PKP4: variants seen among roughly 807,000 people sequenced by gnomAD.
PKP4 encodes plakophilin 4.
Under a neutral mutation model 145.1 loss-of-function variants are expected in PKP4, and 90 were observed. The ratio of observed to expected loss-of-function variants is 0.62; its 90% CI spans 0.52 to 0.74. The LOEUF is 0.74. Among genes scored for constraint, PKP4 ranks in the 30% least tolerant of loss-of-function variants. PKP4 has a pLI of 0.00. For missense variants in PKP4, 1,340 were observed against 1,482.7 expected, an observed-to-expected ratio of 0.90 and a Z score of 1.58; for synonymous variants, 563 against 577.2, an observed-to-expected ratio of 0.98 and a Z score of 0.35.
At chr2:158,605,190 A>T (rs1036274756) in intron 4 of PKP4, among the ~76,000 whole-genome samples, 13 of 152,198 alleles carry the variant, frequency 8.5e-5, no homozygotes, top group African/African-American at 2.9e-4. Context: ...ACATGAACGA[A>T]TAGTAAATGC....
At chr2:158,676,714 TCTC>T in intron 19 of PKP4, 22 bp from the exon 20 acceptor site, 3 of 1,613,944 alleles carry the variant, frequency 1.9e-6, no homozygotes, top group Non-Finnish European at 1.7e-6. Flanking sequence ...CCCCTCTTTC[TCTC>T]CTCCTTTGCC....
At chr2:158,642,447 A>C in intron 10 of PKP4, 39 bp from the exon 11 acceptor site, 6 of 1,430,754 alleles carry the variant, frequency 4.2e-6, no homozygotes, top group Non-Finnish European at 5.8e-6. Flanking sequence ...GATTAATTGC[A>C]TGTTACTTAG....
intron 2 of PKP4, among the ~76,000 whole-genome samples, chr2:158,537,821 AG>A (rs991791461): frequency 1.3e-5 from 2 of 152,090 alleles, no homozygotes; most frequent in Admixed American, 6.6e-5. Context: ...TGAGCTCAGG[AG>A]TTCAAGGCCA....
chr2:158,679,940 A>C (rs2058326576), intron 21 of PKP4, among the ~76,000 whole-genome samples: 1 of 152,236 alleles, frequency 6.6e-6, no homozygotes, highest in African/African-American at 2.4e-5. Flanking sequence ...CTCCATCTTC[A>C]TATCTGAAGT....
chr2:158,503,943 T>C (rs906225724), intron 1 of PKP4, among the ~76,000 whole-genome samples: 15 of 150,924 alleles, frequency 9.9e-5, no homozygotes, highest in Admixed American at 6.6e-5. Flanking sequence ...ACTACTGTTT[T>C]AGGATTTCTG....
intron 9 of PKP4, among the ~76,000 whole-genome samples, chr2:158,638,690 T>C (rs1020221457): frequency 6.6e-6 from 1 of 152,204 alleles, no homozygotes; most frequent in African/African-American, 2.4e-5. Context: ...TGTAGGAAAC[T>C]GTTAGACTCT....
At chr2:158,551,916 T>C (rs1178387858) in intron 2 of PKP4, among the ~76,000 whole-genome samples, 1 of 152,202 alleles carries the variant, frequency 6.6e-6, no homozygotes, top group Non-Finnish European at 1.5e-5. Context: ...ATGCTGTCTC[T>C]CTAAACTGAT....
intron 3 of PKP4, among the ~76,000 whole-genome samples, chr2:158,596,518 C>G (rs1244301449): frequency 2.0e-5 from 3 of 151,818 alleles, no homozygotes; most frequent in South Asian, 4.2e-4. Flanking sequence ...TTAATTACAT[C>G]TATTTAATAG....
chr2:158,590,672 A>G (rs2049194075), intron 3 of PKP4, among the ~76,000 whole-genome samples: 1 of 152,142 alleles, frequency 6.6e-6, no homozygotes, highest in African/African-American at 2.4e-5. Context: ...GTATTATATC[A>G]TAAATGAACA....
intron 1 of PKP4, among the ~76,000 whole-genome samples, chr2:158,488,916 G>A (rs1411347025): frequency 6.6e-6 from 1 of 152,192 alleles, no homozygotes; most frequent in Non-Finnish European, 1.5e-5. Flanking sequence ...AGGAACAGGT[G>A]TGCAAGGCAG....
intron 17 of PKP4, among the ~76,000 whole-genome samples, chr2:158,671,511 A>G (rs1023413880): frequency 6.6e-6 from 1 of 152,192 alleles, no homozygotes; most frequent in Admixed American, 6.5e-5. Flanking sequence ...ACCTTTCCAT[A>G]TTAAGAAAAT....
Position 158,676,755 on chromosome 2 carries a change from C to G in PKP4, c.3144C>G (p.Ser1048=). The G allele has an allele frequency of 6.2e-7, 1 of 1,614,166 alleles. No individual in the cohort carries two copies. The highest frequency in any genetic ancestry group is 8.5e-7 in the Non-Finnish European group (1 of 1,180,026). ...TCCCTTCAGTCGGCAGCACCTCTTC[C>G]TCACCAGCACTGTTAGGAATCAGAG... ...PIIQSVGSTS[S]SPALLGIRDP... is the part of the protein sequence containing the mutation. Residue 1048 remains serine, a synonymous_variant, in exon 20 of 22, where the codon TCC becomes TCG. Transcript: ENST00000389759.
chr2:158,494,822 A>T (rs1695446550), intron 1 of PKP4, among the ~76,000 whole-genome samples: 1 of 151,802 alleles, frequency 6.6e-6, no homozygotes, highest in African/African-American at 2.4e-5. Flanking sequence ...AATCGTGCCT[A>T]CCTCTAGAGG....
rs1317461427 is a variant in PKP4, at chr2:158,666,410, T to A, written c.2578-3T>A. On this transcript the variant is annotated splice_region_variant and splice_polypyrimidine_tract_variant and intron_variant, in intron 15 of 21. Transcript: ENST00000389759. Reference sequence around the variant, plus strand: ...TTACTTCCTGCCTTATTTTTCTCACTAGTTTGCAGCATATATCCGGGCGGC... The same window carrying A: ...TTACTTCCTGCCTTATTTTTCTCACAAGTTTGCAGCATATATCCGGGCGGC... 1 of 1,581,814 alleles carries A rather than the reference T, an allele frequency of 6.3e-7. No individual in the cohort carries two copies. Among genetic ancestry groups the A allele is most frequent in the African/African-American group, 1.4e-5 (1 of 72,992 alleles).
chr2:158,625,546 T>A, intron 7 of PKP4, 119 bp downstream of exon 7: 1 of 766,084 alleles, frequency 1.3e-6, no homozygotes, highest in Non-Finnish European at 2.1e-6. Context: ...TCTCAGATTT[T>A]AAACTATAAA....
At chr2:158,525,968 G>C (rs981357052) in intron 1 of PKP4, among the ~76,000 whole-genome samples, 1 of 151,082 alleles carries the variant, frequency 6.6e-6, no homozygotes, top group South Asian at 2.1e-4. Flanking sequence ...CCAATAACAG[G>C]AGCTGAAATT....
At chr2:158,553,226 A>C (rs989999633) in intron 2 of PKP4, among the ~76,000 whole-genome samples, 1 of 152,248 alleles carries the variant, frequency 6.6e-6, no homozygotes, top group Non-Finnish European at 1.5e-5. Flanking sequence ...TTCTCAGCCT[A>C]TCCAGGTTGC....
intron 11 of PKP4, among the ~76,000 whole-genome samples, chr2:158,645,908 C>G (rs566231098): frequency 6.6e-6 from 1 of 152,186 alleles, no homozygotes; most frequent in South Asian, 2.1e-4. Context: ...AAGTAGAGCC[C>G]GACTTTACTA....
intron 1 of PKP4, among the ~76,000 whole-genome samples, chr2:158,461,532 T>G (rs1689767315): frequency 6.6e-6 from 1 of 152,186 alleles, no homozygotes; most frequent in Non-Finnish European, 1.5e-5. Flanking sequence ...TCTGAGTTAT[T>G]GTAAGTCATG....
Sources: gnomAD v4.1 joint callset for allele counts (sites outside exome capture counted in the v4.1 genomes callset) on GRCh38, gnomAD v4.1.1 for gene constraint, MANE v1.5 for transcripts, NCBI Gene and HGNC (gene_info 2026-07-23, HGNC 2026-07-21) for gene names.